The following RFX3 variants were observed in gnomAD, a reference collection of about 807,000 sequenced individuals.
RFX3 encodes the protein transcription factor RFX3.
Under a neutral mutation model 98.6 loss-of-function variants are expected in RFX3, and 14 were observed. The ratio of observed to expected loss-of-function variants is 0.14; its 90% CI spans 0.09 to 0.22. The LOEUF is 0.22. Ranked by LOEUF, RFX3 falls within the 10% of genes least tolerant of loss-of-function variation. The pLI is 1.00. For synonymous variants in RFX3, 383 were observed against 328.4 expected, an observed-to-expected ratio of 1.17 and a Z score of -1.80; for missense variants, 639 against 926.9, an observed-to-expected ratio of 0.69 and a Z score of 4.03.
At chr9:3,370,448 T>G (rs1334211485) in intron 2 of RFX3, among the ~76,000 whole-genome samples, 6 of 151,698 alleles carry the variant, frequency 4.0e-5, no homozygotes, top group Non-Finnish European at 5.9e-5. Context: ...TTTCAAATCT[T>G]CTATGAAGTA....
intron 2 of RFX3, among the ~76,000 whole-genome samples, chr9:3,380,308 T>C (rs1376731645): frequency 6.6e-6 from 1 of 152,160 alleles, no homozygotes; most frequent in Non-Finnish European, 1.5e-5. Context: ...CTCTAGAAAG[T>C]TTCCCACAGC....
chr9:3,280,968 T>C (rs1243259570), intron 7 of RFX3, among the ~76,000 whole-genome samples: 1 of 151,792 alleles, frequency 6.6e-6, no homozygotes, highest in African/African-American at 2.4e-5. Context: ...ATTTGGAATG[T>C]ACAATAAATA....
intron 2 of RFX3, among the ~76,000 whole-genome samples, chr9:3,363,938 C>T (rs561130217): frequency 6.6e-6 from 1 of 152,338 alleles, no homozygotes; most frequent in Admixed American, 6.5e-5. Context: ...TGTAGTGGCA[C>T]GATCTCAGCT....
chr9:3,259,003 T>C (rs1300986673), intron 13 of RFX3, among the ~76,000 whole-genome samples: 1 of 152,138 alleles, frequency 6.6e-6, no homozygotes, highest in Admixed American at 6.5e-5. Context: ...AATAACCATC[T>C]TTCCATGTAG....
intron 1 of RFX3, 24 bp downstream of exon 1, chr9:3,525,723 A>C (rs1293353853): frequency 4.8e-6 from 1 of 208,410 alleles, no homozygotes; most frequent in Non-Finnish European, 8.4e-6. Flanking sequence ...TCCCACACAC[A>C]TGTAGAGACC....
chr9:3,524,706 G>A lies in RFX3; in HGVS notation c.-9+1041C>T, dbSNP rs561935067. 1.0e-3 allele frequency: 782 copies of A among 776,008 alleles called. 1 individual carries two copies. The highest frequency in any genetic ancestry group is 2.0e-3 in the Admixed American group (32 of 15,968). The allele number at this position is 776,008 out of a possible 1,614,324, so 48.1% of individuals were successfully genotyped here. A position where few individuals can be genotyped will look rare whatever the true frequency, so the allele number is the denominator to read the frequency against. On this transcript the variant is annotated intron_variant, in intron 1 of 16. Transcript: ENST00000617270. ...TTAACACTCTACTGCGGGGAAGGAG[G>A]ATCATCAAAGTGAAACGGAACCTCA...
At chr9:3,367,737 C>T (rs1360623996) in intron 2 of RFX3, among the ~76,000 whole-genome samples, 1 of 152,182 alleles carries the variant, frequency 6.6e-6, no homozygotes, top group Non-Finnish European at 1.5e-5. Context: ...ACACACATAA[C>T]AACCTAAATC....
chr9:3,375,947 G>A (rs1012435640), intron 2 of RFX3, among the ~76,000 whole-genome samples: 6 of 151,416 alleles, frequency 4.0e-5, no homozygotes, highest in African/African-American at 1.2e-4. Flanking sequence ...GTGACAGAGC[G>A]AGACTCCATC....
At chr9:3,232,734 T>C (rs1818631298) in intron 15 of RFX3, among the ~76,000 whole-genome samples, 6 of 150,674 alleles carry the variant, frequency 4.0e-5, no homozygotes, top group Admixed American at 2.7e-4. Context: ...ATGGTGTTGT[T>C]AGATTTGAGA....
At position 3,442,026 on chromosome 9, in the gene RFX3, C is replaced by T. The variant is rs550580370; in HGVS notation, c.-8-46430G>A. ...ACCAGCCTGGTCAACATGGTGAAAC[C>T]CTGTCTCTATTAAAAATACAAAAAT... On this transcript the variant is annotated intron_variant, in intron 1 of 16. Coordinates refer to ENST00000617270, the MANE Select transcript of RFX3 (RefSeq NM_001282116.2). Among the ~76,000 whole-genome samples the T allele has an allele frequency of 1.2e-4, 18 of 152,086 alleles. No homozygotes were observed. In the East Asian group the frequency reaches 3.1e-3, roughly 26 times the overall value.
chr9:3,266,164 T>C, intron 12 of RFX3, 44 bp downstream of exon 12: 1 of 1,183,270 alleles, frequency 8.5e-7, no homozygotes, highest in Non-Finnish European at 1.2e-6. Context: ...CAATTCAGAA[T>C]AATTTCCTCA....
chr9:3,420,467 C>A (rs895008284), intron 1 of RFX3, among the ~76,000 whole-genome samples: 1 of 152,132 alleles, frequency 6.6e-6, no homozygotes, highest in Non-Finnish European at 1.5e-5. Context: ...TTTATTTGAA[C>A]CCCACAACAG....
At chr9:3,359,089 C>T (rs1050629761) in intron 2 of RFX3, among the ~76,000 whole-genome samples, 3 of 151,350 alleles carry the variant, frequency 2.0e-5, no homozygotes, top group Non-Finnish European at 2.9e-5. Flanking sequence ...TCTGGGCCTA[C>T]GAGACCCTTG....
chr9:3,374,514 T>A (rs898602862), intron 2 of RFX3, among the ~76,000 whole-genome samples: 6 of 152,208 alleles, frequency 3.9e-5, no homozygotes, highest in African/African-American at 1.4e-4. Context: ...TATATCCATA[T>A]AATGGAATAT....
At chr9:3,249,406 T>A (rs189593483) in intron 14 of RFX3, among the ~76,000 whole-genome samples, 3 of 152,164 alleles carry the variant, frequency 2.0e-5, no homozygotes, top group Admixed American at 2.0e-4. Flanking sequence ...CCGAGATGTT[T>A]TTCCTCTTGC....
At chr9:3,290,466 G>A (rs1217522277) in intron 6 of RFX3, among the ~76,000 whole-genome samples, 2 of 152,092 alleles carry the variant, frequency 1.3e-5, no homozygotes, top group Admixed American at 6.6e-5. Flanking sequence ...CTATTAGAAT[G>A]TTGAATAAAG....
intron 1 of RFX3, among the ~76,000 whole-genome samples, chr9:3,395,832 T>C (rs923695798): frequency 6.6e-6 from 1 of 152,170 alleles, no homozygotes; most frequent in African/African-American, 2.4e-5. Flanking sequence ...CCTGAGACTA[T>C]CCAGGTTAAA....
chr9:3,470,093 G>C, intron 1 of RFX3, among the ~76,000 whole-genome samples: 1 of 152,090 alleles, frequency 6.6e-6, no homozygotes, highest in Non-Finnish European at 1.5e-5. Flanking sequence ...AGAATGATAT[G>C]TAAAAATGAA....
At chr9:3,306,361 T>C (rs1331404134) in intron 4 of RFX3, among the ~76,000 whole-genome samples, 1 of 152,030 alleles carries the variant, frequency 6.6e-6, no homozygotes, top group African/African-American at 2.4e-5. Context: ...ACTATTCCTC[T>C]CCCAGTGCAA....
Sources: allele counts gnomAD v4.1 joint callset (sites outside exome capture counted in the v4.1 genomes callset), GRCh38; gene constraint gnomAD v4.1.1; transcripts MANE v1.5; gene names NCBI Gene and HGNC (gene_info 2026-07-23, HGNC 2026-07-21).